The following ADGRL3 variants were observed in gnomAD, a reference collection of about 807,000 sequenced individuals.
The protein encoded by ADGRL3 is calcium-independent alpha-latrotoxin receptor 3.
Under a neutral mutation model 153.5 loss-of-function variants are expected in ADGRL3, and 62 were observed. The ratio of observed to expected loss-of-function variants is 0.40; its 90% CI spans 0.33 to 0.50. The LOEUF is 0.50. Ranked by LOEUF, ADGRL3 falls within the 20% of genes least tolerant of loss-of-function variation. ADGRL3 has a pLI of 0.47. For synonymous variants in ADGRL3, 710 were observed against 672.5 expected, an observed-to-expected ratio of 1.06 and a Z score of -0.86; for missense variants, 1,641 against 1,859.4, an observed-to-expected ratio of 0.88 and a Z score of 2.16.
intron 5 of ADGRL3, among the ~76,000 whole-genome samples, chr4:61,650,518 T>A (rs2150373844): frequency 6.6e-6 from 1 of 152,278 alleles, no homozygotes; most frequent in African/African-American, 2.4e-5. Flanking sequence ...TAGTAAATTT[T>A]ATTTTTTAAC....
chr4:61,394,736 G>A (rs756314392), intron 2 of ADGRL3, among the ~76,000 whole-genome samples: 3 of 151,984 alleles, frequency 2.0e-5, no homozygotes, highest in Non-Finnish European at 4.4e-5. Context: ...TGCCTTGAAT[G>A]TTCTGAGAAC....
chr4:61,681,316 A>C (rs753574450), intron 6 of ADGRL3, among the ~76,000 whole-genome samples: 3 of 152,096 alleles, frequency 2.0e-5, no homozygotes, highest in Non-Finnish European at 1.5e-5. Flanking sequence ...CGAGGCATAC[A>C]ATTTCACGCA....
intron 9 of ADGRL3, among the ~76,000 whole-genome samples, chr4:61,887,088 C>T (rs1364504799): frequency 6.6e-6 from 1 of 152,022 alleles, no homozygotes; most frequent in Admixed American, 6.6e-5. Flanking sequence ...TGCTCTCAGA[C>T]CCCTGACCTC....
intron 21 of ADGRL3, 64 bp downstream of exon 21, chr4:61,998,329 C>G: frequency 1.3e-6 from 1 of 764,784 alleles, no homozygotes; most frequent in East Asian, 2.7e-5. Flanking sequence ...ACTATCCTTT[C>G]TATTATATCA....
chr4:61,482,652 G>T (rs753108827), intron 2 of ADGRL3, among the ~76,000 whole-genome samples: 9 of 151,940 alleles, frequency 5.9e-5, no homozygotes, highest in Non-Finnish European at 1.3e-4. Context: ...CTTTTTGCAG[G>T]GATCAAAGTG....
intron 2 of ADGRL3, among the ~76,000 whole-genome samples, chr4:61,405,558 C>A (rs1428251236): frequency 6.6e-6 from 1 of 151,906 alleles, no homozygotes; most frequent in Non-Finnish European, 1.5e-5. Context: ...TGGCAAACAT[C>A]ACTTATTTCA....
intron 9 of ADGRL3, among the ~76,000 whole-genome samples, chr4:61,864,487 C>T (rs2098381474): frequency 6.6e-6 from 1 of 152,076 alleles, no homozygotes; most frequent in Admixed American, 6.5e-5. Flanking sequence ...TTTCAAAGCC[C>T]CAGAGTATCA....
At chr4:62,062,624 G>A (rs1044214345) in intron 25 of ADGRL3, among the ~76,000 whole-genome samples, 6 of 151,898 alleles carry the variant, frequency 4.0e-5, no homozygotes, top group Non-Finnish European at 8.8e-5. Flanking sequence ...TTTGCTTCTT[G>A]GTTAAATGGC....
chr4:61,688,439 G>C (rs1201552231), intron 6 of ADGRL3, among the ~76,000 whole-genome samples: 13 of 152,008 alleles, frequency 8.6e-5, no homozygotes, highest in Admixed American at 8.5e-4. Context: ...TTACTTTACT[G>C]CTCTGAGTGA....
At chr4:61,442,657 C>G (rs2097540158) in intron 2 of ADGRL3, among the ~76,000 whole-genome samples, 1 of 152,004 alleles carries the variant, frequency 6.6e-6, no homozygotes. Context: ...CCTTGAACAT[C>G]TGGGTTGGGT....
At chr4:61,808,070 C>G (rs1393426452) in intron 8 of ADGRL3, among the ~76,000 whole-genome samples, 1 of 152,136 alleles carries the variant, frequency 6.6e-6, no homozygotes, top group Non-Finnish European at 1.5e-5. Context: ...GCTCTTCCCT[C>G]AGATCTCAGC....
chr4:61,374,683 T>C (rs2096582957), intron 1 of ADGRL3, among the ~76,000 whole-genome samples: 1 of 152,142 alleles, frequency 6.6e-6, no homozygotes, highest in Non-Finnish European at 1.5e-5. Context: ...ATATTTGATA[T>C]GTAAGTTAAT....
At position 61,886,631 on chromosome 4, in the gene ADGRL3, T is replaced by TGTTC. The variant is rs536000786; in HGVS notation, c.1481-6022_1481-6021insCGTT. Among the ~76,000 whole-genome samples the TGTTC allele has an allele frequency of 3.7e-3, 556 of 148,606 alleles. 4 individuals are homozygous for TGTTC. Among genetic ancestry groups the TGTTC allele is most frequent in the African/African-American group, 0.014 (539 of 39,196 alleles). On this transcript the variant is annotated intron_variant, in intron 9 of 26. Transcript: ENST00000683033. ...TTGTGAAGTTTAGACTACATTTGTTTGTTTGTTTGTTTGTTTGTTTGTTTG... is the reference window on the plus strand; with the variant it reads ...TTGTGAAGTTTAGACTACATTTGTTTGTTCGTTTGTTTGTTTGTTTGTTTGTTTG...
chr4:61,603,962 G>A (rs1186879035), intron 5 of ADGRL3, among the ~76,000 whole-genome samples: 1 of 152,170 alleles, frequency 6.6e-6, no homozygotes, highest in East Asian at 1.9e-4. Flanking sequence ...GAGGCATTTA[G>A]AGTGCTGGAT....
At chr4:61,297,812 C>G (rs531101760) in intron 1 of ADGRL3, among the ~76,000 whole-genome samples, 11 of 151,906 alleles carry the variant, frequency 7.2e-5, no homozygotes, top group African/African-American at 2.7e-4. Flanking sequence ...CCACCGCCAC[C>G]GTCACTACCG....
chr4:61,621,138 G>T (rs925818470), intron 5 of ADGRL3, among the ~76,000 whole-genome samples: 1 of 151,872 alleles, frequency 6.6e-6, no homozygotes, highest in Non-Finnish European at 1.5e-5. Context: ...CAATCTTATG[G>T]CTTTATTTAA....
chr4:61,206,122 T>C (rs139726840), intron 1 of ADGRL3, among the ~76,000 whole-genome samples: 1,572 of 152,326 alleles, frequency 0.01, 11 homozygotes, highest in Middle Eastern at 0.02. Context: ...ATAGGTTCTA[T>C]AGACCTTGAT....
At chr4:61,416,630 G>GA (rs773261945) in intron 2 of ADGRL3, among the ~76,000 whole-genome samples, 44 of 152,228 alleles carry the variant, frequency 2.9e-4, no homozygotes, top group Middle Eastern at 3.4e-3. Flanking sequence ...ATGATCAGTG[G>GA]ATTTTTTTGT....
intron 2 of ADGRL3, among the ~76,000 whole-genome samples, chr4:61,492,048 A>AAAG (rs2098264653): frequency 1.0e-5 from 1 of 97,730 alleles, no homozygotes; most frequent in Non-Finnish European, 2.4e-5. Context: ...AACAAACAAA[A>AAAG]ACATTGCTTA....
Sources: gnomAD v4.1 joint callset for allele counts (sites outside exome capture counted in the v4.1 genomes callset) on GRCh38, gnomAD v4.1.1 for gene constraint, MANE v1.5 for transcripts, NCBI Gene and HGNC (gene_info 2026-07-23, HGNC 2026-07-21) for gene names.